The following ABCA5 variants were observed in gnomAD, a reference collection of about 807,000 sequenced individuals.
ABCA5 encodes the protein ATP binding cassette subfamily A member 5, also known as cholesterol transporter ABCA5.
ABCA5 carries 163 observed loss-of-function variants against 206.0 expected under a neutral mutation model. That is an observed-to-expected ratio of 0.79 (90% CI 0.70 to 0.90). ABCA5 has a LOEUF of 0.90. ABCA5 is among the 40% of genes least tolerant of loss of function. The probability of loss-of-function intolerance (pLI) is 0.00; values close to 1 mark genes in which losing one functional copy is unlikely to be tolerated. For missense variants in ABCA5, 1,859 were observed against 1,912.9 expected, an observed-to-expected ratio of 0.97 and a Z score of 0.53; for synonymous variants, 609 against 613.8, an observed-to-expected ratio of 0.99 and a Z score of 0.11.
chr17:69,263,782 T>C (rs1343687606), intron 24 of ABCA5, among the ~76,000 whole-genome samples: 1 of 140,490 alleles, frequency 7.1e-6, no homozygotes, highest in Non-Finnish European at 1.5e-5. Context: ...ACACAACCTC[T>C]ACCTCCCCGG....
At chr17:69,294,578 T>G in intron 11 of ABCA5, 77 bp downstream of exon 11, 1 of 1,241,630 alleles carries the variant, frequency 8.1e-7, no homozygotes, top group Non-Finnish European at 1.1e-6. Flanking sequence ...GAAGTTTAAA[T>G]TTCCCACAAG....
At chr17:69,267,400 G>A (rs1398754971) in intron 23 of ABCA5, among the ~76,000 whole-genome samples, 2 of 152,112 alleles carry the variant, frequency 1.3e-5, no homozygotes, top group Admixed American at 1.3e-4. Context: ...AAAACAAAAG[G>A]GAAAGGCGTA....
chr17:69,256,898 C>G (rs962522874), intron 28 of ABCA5, among the ~76,000 whole-genome samples: 1 of 151,996 alleles, frequency 6.6e-6, no homozygotes, highest in African/African-American at 2.4e-5. Context: ...ACCTTGCCCT[C>G]AAAAAATTTA....
At chr17:69,278,007 T>A (rs2075352775) in intron 18 of ABCA5, among the ~76,000 whole-genome samples, 165 bp from the exon 19 acceptor site, 2 of 152,134 alleles carry the variant, frequency 1.3e-5, no homozygotes, top group South Asian at 2.1e-4. Flanking sequence ...ATGTATATCT[T>A]ATGACCCAAG....
intron 1 of ABCA5, chr17:69,314,712 G>C (rs953072738): frequency 7.9e-6 from 2 of 253,034 alleles, no homozygotes; most frequent in African/African-American, 4.4e-5. Context: ...GCCCACAGAG[G>C]CAGCTCCAGA....
intron 9 of ABCA5, among the ~76,000 whole-genome samples, chr17:69,298,945 G>C (rs1431605441): frequency 6.6e-6 from 1 of 152,102 alleles, no homozygotes; most frequent in Non-Finnish European, 1.5e-5. Flanking sequence ...CTAACATCTA[G>C]AATCTATGAG....
chr17:69,286,261 T>C lies in ABCA5; in HGVS notation c.2092A>G (p.Met698Val), dbSNP rs376235598. The stretch of plus-strand genomic sequence containing the variant: ...ATCCCCCATTTACTTTTGAGGAACA[T>C]TGAAGAACCAACACATTTCAGCATT... ...QGMLKCVGSS[M>V]FLKSKWGIGY... The change falls in exon 16 of 39, where the codon ATG (methionine) becomes GTG (valine). Residue 698 changes from methionine (M) to valine (V), a missense_variant. Coordinates refer to ENST00000392676, the MANE Select transcript of ABCA5 (RefSeq NM_172232.4). 4.1e-5 allele frequency: 66 copies of C among 1,592,488 alleles called. No individual in the cohort carries two copies. The highest frequency in any genetic ancestry group is 3.5e-4 in the Admixed American group (18 of 52,136).
intron 19 of ABCA5, among the ~76,000 whole-genome samples, chr17:69,276,673 G>A (rs765506928): frequency 6.6e-6 from 1 of 152,076 alleles, no homozygotes; most frequent in Non-Finnish European, 1.5e-5. Context: ...GACTGGGGAG[G>A]GATAGCATTA....
At chr17:69,301,871 T>C (rs1174038592) in intron 8 of ABCA5, among the ~76,000 whole-genome samples, 1 of 152,162 alleles carries the variant, frequency 6.6e-6, no homozygotes, top group African/African-American at 2.4e-5. Flanking sequence ...AGTCCTCTCA[T>C]TTATAAAATG....
chr17:69,255,835 C>A lies in ABCA5; in HGVS notation c.3874G>T (p.Val1292Phe). The A allele has an allele frequency of 1.3e-6, 2 of 1,561,036 alleles. No homozygotes were observed. The highest frequency in any genetic ancestry group is 1.4e-5 in the African/African-American group (1 of 72,058). Residue 1292 changes from valine (V) to phenylalanine (F), a missense_variant, in exon 30 of 39, where the codon GTC (valine) becomes TTC (phenylalanine). Transcript: ENST00000392676. ...TCATATTCTTTATGCAAATTGCTGA[C>A]CATAATGGATGGTTTCTAATAAGAA... is the stretch of plus-strand genomic sequence containing the variant. ...QCCEEKPSIM[V>F]SNLHKEYDDK... is the part of the protein sequence containing the mutation.
Position 69,272,498 on chromosome 17 carries a change from A to G in ABCA5, c.2765-1209T>C, listed in dbSNP as rs533565176. ...CTCAAAGCAAAAAGATATGATTTGA[A>G]TCCAAGTTCCTTTAAAAAAAAAAGA... is the stretch of plus-strand genomic sequence containing the variant. On this transcript the variant is annotated intron_variant, in intron 20 of 38. Transcript: ENST00000392676. Among the ~76,000 whole-genome samples, 7 of 152,236 alleles carry G rather than the reference A, an allele frequency of 4.6e-5. No individual in the cohort carries two copies. The South Asian group carries it at 1.5e-3, about 32-fold the overall frequency.
intron 22 of ABCA5, among the ~76,000 whole-genome samples, chr17:69,270,135 T>C (rs2075256092): frequency 1.3e-5 from 2 of 152,226 alleles, no homozygotes; most frequent in South Asian, 4.1e-4. Flanking sequence ...ATAGAAAATA[T>C]TGTTACAGAT....
chr17:69,249,550 G>T, intron 37 of ABCA5: 2 of 217,630 alleles, frequency 9.2e-6, no homozygotes, highest in African/African-American at 2.3e-5. Flanking sequence ...GCAAAGACTC[G>T]ATAATTAAGC....
chr17:69,269,266 G>A (rs1442051346), intron 22 of ABCA5, among the ~76,000 whole-genome samples: 2 of 152,152 alleles, frequency 1.3e-5, no homozygotes, highest in Non-Finnish European at 2.9e-5. Context: ...CTCCTACGGA[G>A]GAGAGAAGGA....
Position 69,289,226 on chromosome 17 carries a change from C to A in ABCA5, c.1853G>T (p.Gly618Val). Residue 618 changes from glycine to valine, a missense_variant, in exon 14 of 39, where the codon GGT (glycine) becomes GTT (valine). Transcript: ENST00000392676. ...TCCTAATGACAGCTTTCTTTTTTGA[C>A]CACCACTTAATTTTTTAGCTTGGTT... is the stretch of plus-strand genomic sequence containing the variant. ...KDNQAKKLSGGQKRKLSLGIA... is the reference protein window; with the variant it reads ...KDNQAKKLSGVQKRKLSLGIA... The A allele has an allele frequency of 6.2e-7, 1 of 1,609,112 alleles. No individual in the cohort carries two copies. Among genetic ancestry groups the A allele is most frequent in the Non-Finnish European group, 8.5e-7 (1 of 1,177,914 alleles).
chr17:69,304,787 G>C lies in ABCA5; in HGVS notation c.812C>G (p.Thr271Arg). The C allele has an allele frequency of 6.2e-7, 1 of 1,601,600 alleles. No individual in the cohort carries two copies. Among genetic ancestry groups the C allele is most frequent in the Non-Finnish European group, 8.5e-7 (1 of 1,174,546 alleles). ...AFWLSWVLLY[T>R]SLIFLMSLLM... ...AAGGGACATAAGAAAAATTAAACTT[G>C]TATATAGAAGAACCCAGGAAAGCCT... The change falls in exon 7 of 39, where the codon ACA becomes AGA. Residue 271 changes from threonine (T) to arginine (R), a missense_variant. Thr to Arg is a moderately conservative substitution (Grantham distance 71). Transcript: ENST00000392676.
chr17:69,320,322 C>G (rs560292283), intron 1 of ABCA5, among the ~76,000 whole-genome samples: 1 of 151,928 alleles, frequency 6.6e-6, no homozygotes, highest in Non-Finnish European at 1.5e-5. Flanking sequence ...TAAATTGAAG[C>G]GTGAGTCAAA....
Position 69,289,349 on chromosome 17 carries a change from A to G in ABCA5, c.1783-53T>C, listed in dbSNP as rs886907489. On this transcript the variant is annotated intron_variant, in intron 13 of 38. Coordinates refer to ENST00000392676, the MANE Select transcript of ABCA5 (RefSeq NM_172232.4). ...ATTTTAAAAATCATACCATTTATATAATTATCAATATTACTTTTTAAATAT... is the reference window on the plus strand; with the variant it reads ...ATTTTAAAAATCATACCATTTATATGATTATCAATATTACTTTTTAAATAT... The G allele has an allele frequency of 6.9e-6, 9 of 1,308,426 alleles. No individual in the cohort carries two copies. The African/African-American group carries it at 1.1e-4, about 16-fold the overall frequency. 81.1% of individuals were successfully genotyped at this position (1,308,426 alleles called of 1,614,324 possible). A position where few individuals can be genotyped will look rare whatever the true frequency, so the allele number is the denominator to read the frequency against.
chr17:69,268,417 A>C (rs535471262), intron 22 of ABCA5, among the ~76,000 whole-genome samples: 125 of 152,170 alleles, frequency 8.2e-4, no homozygotes, highest in African/African-American at 2.9e-3. Flanking sequence ...TGGTCCTATG[A>C]AATAATAATA....
Sources: gnomAD v4.1 joint callset for allele counts (sites outside exome capture counted in the v4.1 genomes callset) on GRCh38, gnomAD v4.1.1 for gene constraint, MANE v1.5 for transcripts, NCBI Gene and HGNC (gene_info 2026-07-23, HGNC 2026-07-21) for gene names.